GLRA2: variants seen among roughly 807,000 people sequenced by gnomAD.
GLRA2 encodes the protein glycine receptor subunit alpha-2.
Under a neutral mutation model 31.6 loss-of-function variants are expected in GLRA2, and 11 were observed. The ratio of observed to expected loss-of-function variants is 0.35; its 90% CI spans 0.22 to 0.58. The LOEUF (loss-of-function observed/expected upper bound fraction) is 0.58, where lower values mean the gene tolerates loss of function less well. Ranked by LOEUF, GLRA2 falls within the 20% of genes least tolerant of loss-of-function variation. GLRA2 has a pLI of 0.84. For missense variants in GLRA2, 212 were observed against 351.8 expected, an observed-to-expected ratio of 0.60 and a Z score of 3.18; for synonymous variants, 132 against 134.0, an observed-to-expected ratio of 0.99 and a Z score of 0.10.
intron 2 of GLRA2, among the ~76,000 whole-genome samples, chrX:14,565,223 A>G (rs2089787297): frequency 8.9e-6 from 1 of 112,090 alleles, no homozygotes; most frequent in Non-Finnish European, 1.9e-5. Flanking sequence ...TGCTATCTAC[A>G]AGAGACTCAC....
At chrX:14,465,936 G>T in the GLRA2 span, among the ~76,000 whole-genome samples, 15 of 111,949 alleles carry the variant, frequency 1.3e-4, no homozygotes, top group Non-Finnish European at 2.6e-4. Context: ...ACCAACCCAT[G>T]AACACTTCTA....
At chrX:14,589,924 A>C (rs1311245054) in intron 4 of GLRA2, among the ~76,000 whole-genome samples, 1 of 110,481 alleles carries the variant, frequency 9.1e-6, no homozygotes, top group Non-Finnish European at 1.9e-5. Flanking sequence ...GCATGCCTCC[A>C]GAATGGGTAT....
At chrX:14,450,415 A>G in the GLRA2 span, among the ~76,000 whole-genome samples, 1 of 111,803 alleles carries the variant, frequency 8.9e-6, no homozygotes, top group East Asian at 2.8e-4. Flanking sequence ...AAGGAAATGC[A>G]GGTGTGGCGC....
chrX:14,720,149 A>G (rs1323539728), intron 8 of GLRA2, among the ~76,000 whole-genome samples: 1 of 111,351 alleles, frequency 9.0e-6, no homozygotes, highest in Non-Finnish European at 1.9e-5. Flanking sequence ...ACAATAATTT[A>G]TTGTATTTTT....
the GLRA2 span, among the ~76,000 whole-genome samples, chrX:14,463,827 C>G: frequency 8.0e-5 from 9 of 111,834 alleles, no homozygotes; most frequent in African/African-American, 2.9e-4. Context: ...TTGTGCTTCC[C>G]GGTGAGGCAA....
the GLRA2 span, among the ~76,000 whole-genome samples, chrX:14,457,339 A>G: frequency 2.7e-5 from 3 of 110,565 alleles, no homozygotes; most frequent in Admixed American, 9.6e-5. Context: ...TCCTAATGTT[A>G]TCACTCCCCT....
intron 4 of GLRA2, among the ~76,000 whole-genome samples, chrX:14,594,795 T>C (rs988652265): frequency 9.0e-6 from 1 of 111,172 alleles, no homozygotes; most frequent in Non-Finnish European, 1.9e-5. Context: ...TCAGTGCATA[T>C]GGGTATTTTT....
At chrX:14,481,506 T>A in the GLRA2 span, among the ~76,000 whole-genome samples, 1 of 111,456 alleles carries the variant, frequency 9.0e-6, no homozygotes, top group African/African-American at 3.3e-5. Context: ...CAGCTGCCCA[T>A]TCTCTTGAGC....
At chrX:14,638,345 CCTTG>C (rs756497604) in intron 7 of GLRA2, among the ~76,000 whole-genome samples, 10 of 111,172 alleles carry the variant, frequency 9.0e-5, no homozygotes, top group African/African-American at 2.9e-4. Context: ...TGGTATTTTT[CCTTG>C]CTTTTGCAAC....
At chrX:14,470,877 G>A in the GLRA2 span, among the ~76,000 whole-genome samples, 1 of 111,907 alleles carries the variant, frequency 8.9e-6, no homozygotes, top group East Asian at 2.8e-4. Flanking sequence ...TGACTGCAGA[G>A]GCGTTTTATT....
chrX:14,559,799 C>T (rs910974945), intron 2 of GLRA2, among the ~76,000 whole-genome samples: 12 of 110,676 alleles, frequency 1.1e-4, no homozygotes, highest in African/African-American at 3.9e-4. Context: ...GATCTCGACT[C>T]ACAGCAACCT....
At chrX:14,656,511 G>A (rs2090942597) in intron 7 of GLRA2, among the ~76,000 whole-genome samples, 1 of 111,719 alleles carries the variant, frequency 9.0e-6, no homozygotes, top group African/African-American at 3.3e-5. Context: ...TAAAGCAGGG[G>A]GGAGATGACT....
At chrX:14,632,716 T>A (rs954958437) in intron 7 of GLRA2, among the ~76,000 whole-genome samples, 2 of 111,451 alleles carry the variant, frequency 1.8e-5, no homozygotes, top group Non-Finnish European at 3.8e-5. Context: ...TCCAGCAACC[T>A]CTTTCTACAT....
At chrX:14,578,953 A>G (rs781181074) in intron 3 of GLRA2, among the ~76,000 whole-genome samples, 1 of 112,043 alleles carries the variant, frequency 8.9e-6, no homozygotes, top group Non-Finnish European at 1.9e-5. Flanking sequence ...TCTGCTCCTT[A>G]TTTAACAGAT....
chrX:14,600,306 G>A (rs754081350), intron 4 of GLRA2, among the ~76,000 whole-genome samples: 60 of 111,401 alleles, frequency 5.4e-4, no homozygotes, highest in African/African-American at 1.8e-3. Flanking sequence ...GAATATTAAA[G>A]TTGGGTTGTT....
At chrX:14,683,207 C>T (rs765378602) in intron 7 of GLRA2, among the ~76,000 whole-genome samples, 1 of 111,863 alleles carries the variant, frequency 8.9e-6, no homozygotes, top group East Asian at 2.8e-4. Context: ...TCCTCTCCAG[C>T]ACCTGTTGTT....
chrX:14,504,422 GTT>G, the GLRA2 span, among the ~76,000 whole-genome samples: 4 of 110,697 alleles, frequency 3.6e-5, no homozygotes, highest in Non-Finnish European at 7.6e-5. Context: ...TTTTGTTTTT[GTT>G]TTTGTTTTTG....
the GLRA2 span, among the ~76,000 whole-genome samples, chrX:14,505,227 A>C: frequency 8.9e-6 from 1 of 112,210 alleles, no homozygotes; most frequent in Non-Finnish European, 1.9e-5. Context: ...GGATTCTATG[A>C]GTCAGAAATC....
chrX:14,678,339 T>A (rs1051690905), intron 7 of GLRA2, among the ~76,000 whole-genome samples: 18 of 112,317 alleles, frequency 1.6e-4, no homozygotes, highest in African/African-American at 5.2e-4. Context: ...TTAAATTTAA[T>A]TTCACAGAAG....
Sources: allele counts gnomAD v4.1 joint callset (sites outside exome capture counted in the v4.1 genomes callset), GRCh38; gene constraint gnomAD v4.1.1; transcripts MANE v1.5; gene names NCBI Gene and HGNC (gene_info 2026-07-23, HGNC 2026-07-21).